The following RANBP2 variants were observed in gnomAD, a reference collection of about 807,000 sequenced individuals.
RANBP2 encodes the protein E3 SUMO-protein ligase RanBP2.
RANBP2 carries 57 observed loss-of-function variants against 303.6 expected under a neutral mutation model. The observed-to-expected ratio is 0.19, with a 90% confidence interval of 0.15 to 0.23. The LOEUF (loss-of-function observed/expected upper bound fraction) is 0.23. Ranked by LOEUF, RANBP2 falls within the 10% of genes least tolerant of loss-of-function variation. The pLI, the probability that RANBP2 is intolerant of heterozygous loss-of-function variation, is 1.00. For missense variants in RANBP2, 3,138 were observed against 3,780.8 expected (o/e 0.83, Z 4.46); for synonymous variants, 1,167 against 1,301.5 (o/e 0.90, Z 2.23).
At chr2:108,977,525 C>T in the RANBP2 span, among the ~76,000 whole-genome samples, 1 of 152,160 alleles carries the variant, frequency 6.6e-6, no homozygotes, top group South Asian at 2.1e-4. Context: ...CAGCCTCGGC[C>T]TCCCAAAGTG....
the RANBP2 span, among the ~76,000 whole-genome samples, chr2:109,156,306 G>A: frequency 2.0e-5 from 3 of 152,274 alleles, no homozygotes; most frequent in East Asian, 3.9e-4. Flanking sequence ...TGTTTTCTCC[G>A]CCCCTCGCAT....
At chr2:109,162,213 G>T in the RANBP2 span, among the ~76,000 whole-genome samples, 3 of 152,038 alleles carry the variant, frequency 2.0e-5, no homozygotes, top group Non-Finnish European at 4.4e-5. Flanking sequence ...GTGTGCCTAG[G>T]CTTGATCTCC....
chr2:108,771,135 A>G (rs1223764012), intron 20 of RANBP2, among the ~76,000 whole-genome samples: 2 of 151,440 alleles, frequency 1.3e-5, no homozygotes, highest in Non-Finnish European at 2.9e-5. Flanking sequence ...TTAGCTACCT[A>G]TAGAGTCACA....
chr2:109,484,498 C>T, the RANBP2 span, among the ~76,000 whole-genome samples: 1 of 152,184 alleles, frequency 6.6e-6, no homozygotes, highest in Non-Finnish European at 1.5e-5. Flanking sequence ...CACTCACCAG[C>T]CCAGGCCTTT....
At chr2:109,671,643 C>A in the RANBP2 span, among the ~76,000 whole-genome samples, 24 of 152,054 alleles carry the variant, frequency 1.6e-4, no homozygotes, top group Admixed American at 4.6e-4. Flanking sequence ...TAAGGGGTGA[C>A]AATTTAGGGG....
chr2:108,776,766 A>G (rs915629242), intron 24 of RANBP2, among the ~76,000 whole-genome samples: 8 of 152,200 alleles, frequency 5.3e-5, no homozygotes, highest in Non-Finnish European at 8.8e-5. Flanking sequence ...AAAAGTTTTT[A>G]TACAGATGTT....
the RANBP2 span, among the ~76,000 whole-genome samples, chr2:109,391,176 C>T: frequency 1.3e-5 from 2 of 152,344 alleles, no homozygotes; most frequent in African/African-American, 2.4e-5. Context: ...TCAGGCTTTA[C>T]GTGCAAAATT....
chr2:109,408,851 C>G, the RANBP2 span, among the ~76,000 whole-genome samples: 1 of 152,194 alleles, frequency 6.6e-6, no homozygotes, highest in African/African-American at 2.4e-5. Context: ...CTGATGGGTG[C>G]GCACAGGGAG....
the RANBP2 span, among the ~76,000 whole-genome samples, chr2:109,431,529 A>C: frequency 6.6e-6 from 1 of 152,204 alleles, no homozygotes; most frequent in Non-Finnish European, 1.5e-5. Flanking sequence ...AGTTAGAGGC[A>C]CAGCATCTAA....
At chr2:109,416,774 T>C in the RANBP2 span, among the ~76,000 whole-genome samples, 2 of 151,842 alleles carry the variant, frequency 1.3e-5, no homozygotes, top group Non-Finnish European at 2.9e-5. Context: ...GGGGTGGTAT[T>C]GTGCAACTGT....
At chr2:109,245,016 G>A in the RANBP2 span, among the ~76,000 whole-genome samples, 4 of 152,154 alleles carry the variant, frequency 2.6e-5, no homozygotes, top group Non-Finnish European at 5.9e-5. Flanking sequence ...TTTGTTGTTG[G>A]ATGGCGTCCC....
the RANBP2 span, among the ~76,000 whole-genome samples, chr2:108,865,759 A>T: frequency 6.6e-6 from 1 of 152,106 alleles, no homozygotes. Context: ...ATCCATTCCC[A>T]GGTAGAAGCT....
the RANBP2 span, among the ~76,000 whole-genome samples, chr2:109,078,102 A>ATATATATATATATGGCGTG: frequency 1.4e-4 from 13 of 90,132 alleles, no homozygotes; most frequent in Admixed American, 2.6e-4. Flanking sequence ...ATATATATAT[A>ATATATATATATATGGCGTG]TATATATATA....
the RANBP2 span, among the ~76,000 whole-genome samples, chr2:109,751,431 T>C: frequency 6.8e-5 from 10 of 146,194 alleles, no homozygotes; most frequent in Non-Finnish European, 1.0e-4. Flanking sequence ...ACCTCCAGCA[T>C]TGCCATGTAA....
the RANBP2 span, among the ~76,000 whole-genome samples, chr2:109,440,883 G>C: frequency 6.6e-6 from 1 of 152,106 alleles, no homozygotes; most frequent in Non-Finnish European, 1.5e-5. Context: ...AGAAAGAAAG[G>C]ATTAGTGCTA....
chr2:109,740,377 A>G, the RANBP2 span, among the ~76,000 whole-genome samples: 3 of 152,174 alleles, frequency 2.0e-5, no homozygotes, highest in Non-Finnish European at 4.4e-5. Context: ...CAATTATAAC[A>G]TGTGGAGGCT....
chr2:109,063,493 C>T, the RANBP2 span, among the ~76,000 whole-genome samples: 3 of 152,172 alleles, frequency 2.0e-5, no homozygotes, highest in Non-Finnish European at 2.9e-5. Flanking sequence ...CAGAGGCCCC[C>T]GCGTGGCTGC....
the RANBP2 span, among the ~76,000 whole-genome samples, chr2:109,159,914 A>G: frequency 6.6e-6 from 1 of 152,202 alleles, no homozygotes; most frequent in African/African-American, 2.4e-5. Context: ...CTGATTCTAC[A>G]TTATGGTGAG....
the RANBP2 span, among the ~76,000 whole-genome samples, chr2:109,325,548 GC>G: frequency 6.6e-6 from 1 of 151,984 alleles, no homozygotes; most frequent in East Asian, 1.9e-4. Context: ...CAGTGACACA[GC>G]CCCTTTACAA....
Sources: gnomAD v4.1 joint callset for allele counts (sites outside exome capture counted in the v4.1 genomes callset) on GRCh38, gnomAD v4.1.1 for gene constraint, MANE v1.5 for transcripts, NCBI Gene and HGNC (gene_info 2026-07-23, HGNC 2026-07-21) for gene names.